Variants in DNAH5 observed in about 807,000 individuals in gnomAD.
DNAH5 encodes dynein axonemal heavy chain 5.
In DNAH5, 372 loss-of-function variants were observed where a neutral mutation model predicts 518.2. That is an observed-to-expected ratio of 0.72 (90% CI 0.66 to 0.78). The LOEUF (loss-of-function observed/expected upper bound fraction) is 0.78. Among genes scored for constraint, DNAH5 ranks in the 30% least tolerant of loss-of-function variants. The pLI, the probability that DNAH5 is intolerant of heterozygous loss-of-function variation, is 0.00. For synonymous variants in DNAH5, 2,039 were observed against 2,025.9 expected, an observed-to-expected ratio of 1.01 and a Z score of -0.17; for missense variants, 5,523 against 5,687.0, an observed-to-expected ratio of 0.97 and a Z score of 0.93.
Position 13,862,564 on chromosome 5 carries a change from A to C in DNAH5, c.4780T>G (p.Ser1594Ala). 1 of 1,613,982 alleles carries C rather than the reference A, an allele frequency of 6.2e-7. No individual in the cohort carries two copies. The highest frequency in any genetic ancestry group is 8.5e-7 in the Non-Finnish European group (1 of 1,179,920). Residue 1594 changes from serine to alanine, a missense_variant, in exon 29 of 79, where the codon TCC (serine) becomes GCC (alanine). Ser to Ala is a moderately conservative substitution (Grantham distance 99). Transcript: ENST00000265104. ...NMEDSLMLLG[S>A]LLSNRYNMPF... ...TTTTCCCACCTGTTGCTCAGTAGGG[A>C]TCCCAGCAACATCAAGCTGTCCTCC...
rs115419589 is a variant in DNAH5, at chr5:13,787,711, C to T, written c.8647+1005G>A. ...TACATTTTAATTACCTTGTAAGATGCCCTTACTCTTACAGGATTTTTGTAT... is the reference window on the plus strand; with the variant it reads ...TACATTTTAATTACCTTGTAAGATGTCCTTACTCTTACAGGATTTTTGTAT... On this transcript the variant is annotated intron_variant, in intron 51 of 78. Coordinates refer to ENST00000265104, the MANE Select transcript of DNAH5 (RefSeq NM_001369.3). Among the ~76,000 whole-genome samples the T allele has an allele frequency of 7.4e-3, 1,120 of 150,570 alleles. 11 individuals carry two copies. Among genetic ancestry groups the T allele is most frequent in the Middle Eastern group, 0.041 (12 of 292 alleles).
chr5:13,936,944 T>A (rs1487489724), intron 1 of DNAH5, among the ~76,000 whole-genome samples: 2 of 152,242 alleles, frequency 1.3e-5, no homozygotes, highest in Non-Finnish European at 1.5e-5. Context: ...GAAGTGTATA[T>A]TTTGCATTGT....
chr5:13,993,823 G>A (rs1302608518), intron 1 of DNAH5, among the ~76,000 whole-genome samples: 1 of 152,178 alleles, frequency 6.6e-6, no homozygotes, highest in Non-Finnish European at 1.5e-5. Flanking sequence ...CAAACACACA[G>A]TCCCCACCCT....
chr5:13,874,455 A>G (rs2151925416), intron 22 of DNAH5, among the ~76,000 whole-genome samples: 1 of 152,324 alleles, frequency 6.6e-6, no homozygotes, highest in East Asian at 1.9e-4. Flanking sequence ...GATGAACTAC[A>G]TATGTAGAGT....
At chr5:13,809,306 T>A in intron 45 of DNAH5, 120 bp from the exon 46 acceptor site, 1 of 1,232,182 alleles carries the variant, frequency 8.1e-7, no homozygotes. Context: ...AAAATGAAGA[T>A]CATTAAAATT....
At chr5:13,772,103 G>T (rs1259129322) in intron 55 of DNAH5, among the ~76,000 whole-genome samples, 1 of 152,194 alleles carries the variant, frequency 6.6e-6, no homozygotes, top group Non-Finnish European at 1.5e-5. Context: ...ACTCTAAGAA[G>T]TTCAAGTCTA....
chr5:13,904,962 C>T (rs984135863), intron 12 of DNAH5, among the ~76,000 whole-genome samples: 2 of 151,754 alleles, frequency 1.3e-5, no homozygotes, highest in Non-Finnish European at 2.9e-5. Flanking sequence ...AGTAAAAGAA[C>T]AGAAAAAAAT....
At chr5:13,695,423 C>A (rs1020038883) in intron 78 of DNAH5, among the ~76,000 whole-genome samples, 2 of 152,104 alleles carry the variant, frequency 1.3e-5, no homozygotes, top group Non-Finnish European at 2.9e-5. Flanking sequence ...CTCAGGACTT[C>A]GATATTCAAG....
At chr5:13,890,944 C>T in intron 17 of DNAH5, 32 bp downstream of exon 17, 2 of 1,613,452 alleles carry the variant, frequency 1.2e-6, no homozygotes, top group Non-Finnish European at 1.7e-6. Context: ...TCACCAAAAA[C>T]CTTAAACAAA....
chr5:13,805,331 C>G (rs1759416784), intron 47 of DNAH5, among the ~76,000 whole-genome samples: 1 of 152,076 alleles, frequency 6.6e-6, no homozygotes. Flanking sequence ...AACCCCATCT[C>G]TACTAAAAAT....
chr5:13,957,851 G>T (rs1581040960), intron 1 of DNAH5, among the ~76,000 whole-genome samples: 2 of 151,314 alleles, frequency 1.3e-5, no homozygotes, highest in South Asian at 2.1e-4. Context: ...AATAAAAATT[G>T]ATTGGAAAAT....
chr5:13,830,768 T>A lies in DNAH5; in HGVS notation c.5890A>T (p.Ile1964Phe), dbSNP rs1262535049. 2 of 1,614,140 alleles carry A rather than the reference T, an allele frequency of 1.2e-6. No individual in the cohort carries two copies. Among genetic ancestry groups the A allele is most frequent in the Admixed American group, 3.3e-5 (2 of 60,020 alleles). ...VITPLTDRCYITLAQALGMSM... is the reference protein window; with the variant it reads ...VITPLTDRCYFTLAQALGMSM... ...ATTCCCAGAGCTTGAGCCAGCGTGA[T>A]GTAACATCTGCATGGGTAGAAACAT... The change falls in exon 36 of 79, where the codon ATC (isoleucine) becomes TTC (phenylalanine). Residue 1964 changes from isoleucine to phenylalanine, a missense_variant. Ile to Phe is a conservative substitution (Grantham distance 21). This residue lies in a region of DNAH5 where 5,121 missense variants were observed against 5,223.3 expected (regional missense o/e 0.98). Coordinates refer to ENST00000265104, the MANE Select transcript of DNAH5 (RefSeq NM_001369.3).
At chr5:13,732,450 T>C (rs1485374116) in intron 68 of DNAH5, among the ~76,000 whole-genome samples, 2 of 152,152 alleles carry the variant, frequency 1.3e-5, no homozygotes, top group Non-Finnish European at 2.9e-5. Context: ...CACTGCAACC[T>C]CCGCCTCCCA....
Position 13,870,803 on chromosome 5 carries a change from C to A in DNAH5, c.3798G>T (p.Glu1266Asp). Residue 1266 changes from glutamate (E) to aspartate (D), a missense_variant, in exon 24 of 79, where the codon GAG (glutamate) becomes GAT (aspartate). By Grantham distance (45) the Glu-to-Asp change is conservative. This residue lies in a region of DNAH5 where 5,121 missense variants were observed against 5,223.3 expected (regional missense o/e 0.98). Transcript: ENST00000265104. ...CTACTTGAAAGTCAATGGAGATTTGCTCCTCCCTTATTTCTTTCAGCGCTG... is the reference window on the plus strand; with the variant it reads ...CTACTTGAAAGTCAATGGAGATTTGATCCTCCCTTATTTCTTTCAGCGCTG... Reference protein sequence around the residue: ...AMAALKEIREEQISIDFQVGP... With the variant: ...AMAALKEIREDQISIDFQVGP... The A allele has an allele frequency of 6.2e-7, 1 of 1,613,708 alleles. No homozygotes were observed. Among genetic ancestry groups the A allele is most frequent in the East Asian group, 2.2e-5 (1 of 44,866 alleles).
chr5:13,773,107 T>C (rs1233667100), intron 55 of DNAH5, among the ~76,000 whole-genome samples: 2 of 152,214 alleles, frequency 1.3e-5, no homozygotes, highest in African/African-American at 4.8e-5. Context: ...TCTTATGTCT[T>C]TTAGTTCTTT....
intron 3 of DNAH5, among the ~76,000 whole-genome samples, chr5:13,927,269 G>A (rs1335911564): frequency 6.6e-6 from 1 of 152,214 alleles, no homozygotes; most frequent in Non-Finnish European, 1.5e-5. Context: ...CGAGGTGGGT[G>A]GATCACAAGG....
chr5:13,692,220 G>T, intron 78 of DNAH5, 85 bp from the exon 79 acceptor site: 2 of 1,467,288 alleles, frequency 1.4e-6, no homozygotes, highest in African/African-American at 1.4e-5. Context: ...TCTGCATTCT[G>T]TAGGTCATTT....
intron 64 of DNAH5, among the ~76,000 whole-genome samples, chr5:13,751,707 G>T (rs1322438346): frequency 6.6e-6 from 1 of 152,112 alleles, no homozygotes; most frequent in Non-Finnish European, 1.5e-5. Flanking sequence ...GAGCAGGGAG[G>T]GGCAGCTGCT....
intron 35 of DNAH5, among the ~76,000 whole-genome samples, chr5:13,835,278 C>CAAAAAA (rs57989593): frequency 7.0e-6 from 1 of 142,952 alleles, no homozygotes; most frequent in African/African-American, 2.6e-5. Context: ...GACTTCTTCT[C>CAAAAAA]AAAAAAAAAA....
Sources: allele counts gnomAD v4.1 joint callset (sites outside exome capture counted in the v4.1 genomes callset), GRCh38; gene constraint gnomAD v4.1.1; regional missense constraint gnomAD v4.1.1; transcripts MANE v1.5; gene names NCBI Gene and HGNC (gene_info 2026-07-23, HGNC 2026-07-21).